Variants in VIL1 observed in about 807,000 individuals in gnomAD.
The protein encoded by VIL1 is villin 1.
Under a neutral mutation model 104.0 loss-of-function variants are expected in VIL1, and 86 were observed. The ratio of observed to expected loss-of-function variants is 0.83; its 90% confidence interval spans 0.69 to 0.99. VIL1 has a LOEUF of 0.99. VIL1 is among the 50% of genes least tolerant of loss of function. The pLI is 0.00. For missense variants in VIL1, 944 were observed against 1,054.1 expected (o/e 0.90, Z 1.45); for synonymous variants, 394 against 412.6 (o/e 0.95, Z 0.55).
rs1362025042 is a variant in VIL1, at chr2:218,452,708, G to A, written c.*3372G>A. 1 of 152,214 alleles carries A rather than the reference G, an allele frequency of 6.6e-6. No individual in the cohort carries two copies. Among genetic ancestry groups the A allele is most frequent in the African/African-American group, 2.4e-5 (1 of 41,458 alleles). The allele number at this position is 152,214 out of a possible 1,614,324, so 9.4% of individuals were successfully genotyped here. A position where few individuals can be genotyped will look rare whatever the true frequency, so the allele number is the denominator to read the frequency against. On this transcript the variant is annotated 3_prime_UTR_variant, in exon 20 of 20. Coordinates refer to ENST00000248444, the MANE Select transcript of VIL1 (RefSeq NM_007127.3). ...TGAAAGCTATGAAAGCAATTCAAAT[G>A]AGGCTGCTTCATGAGGCAATCTAGA...
Position 218,451,282 on chromosome 2 carries a change from T to A in VIL1, c.*1946T>A, listed in dbSNP as rs1689470441. 1 of 152,186 alleles carries A rather than the reference T, an allele frequency of 6.6e-6. No homozygotes were observed. Among genetic ancestry groups the A allele is most frequent in the Admixed American group, 6.5e-5 (1 of 15,276 alleles). The allele number at this position is 152,186 out of a possible 1,614,324, so 9.4% of individuals were successfully genotyped here. A position where few individuals can be genotyped will look rare whatever the true frequency, so the allele number is the denominator to read the frequency against. ...ATGTGACTTGAATCTGGTGTTAGGTTGTTGATTTTTCTAAAAATCTCCTAT... is the reference window on the plus strand; with the variant it reads ...ATGTGACTTGAATCTGGTGTTAGGTAGTTGATTTTTCTAAAAATCTCCTAT... On this transcript the variant is annotated 3_prime_UTR_variant, in exon 20 of 20. Transcript: ENST00000248444.
At chr2:218,430,146 C>T (rs1689071094) in intron 9 of VIL1, among the ~76,000 whole-genome samples, 199 bp downstream of exon 9, 2 of 152,108 alleles carry the variant, frequency 1.3e-5, no homozygotes, top group African/African-American at 4.8e-5. Flanking sequence ...TGGTCATCTT[C>T]GGGGTTCTCT....
At chr2:218,422,968 A>T (rs1487467627) in intron 1 of VIL1, among the ~76,000 whole-genome samples, 1 of 152,160 alleles carries the variant, frequency 6.6e-6, no homozygotes, top group Non-Finnish European at 1.5e-5. Flanking sequence ...AAAGGCAGAA[A>T]ATAAAGCACC....
Position 218,449,384 on chromosome 2 carries a change from T to TA in VIL1, c.*48_*49insA. The TA allele has an allele frequency of 6.2e-6, 9 of 1,450,956 alleles. No homozygotes were observed. The highest frequency in any genetic ancestry group is 8.7e-6 in the Non-Finnish European group (9 of 1,033,354). The allele number at this position is 1,450,956 out of a possible 1,614,324, so 89.9% of individuals were successfully genotyped here. A position where few individuals can be genotyped will look rare whatever the true frequency, so the allele number is the denominator to read the frequency against. On this transcript the variant is annotated 3_prime_UTR_variant, in exon 20 of 20. Transcript: ENST00000248444. ...GCAGTACCCTACCCTGATTGTAGGG[T>TA]CTCATTTTCTCACCGATATTAGTCC...
At chr2:218,432,242 C>T (rs1158562376) in intron 12 of VIL1, 59 bp downstream of exon 12, 13 of 1,577,742 alleles carry the variant, frequency 8.2e-6, no homozygotes, top group African/African-American at 1.3e-5. Context: ...CTTGTACATA[C>T]TCCTGCTAAG....
Position 218,420,593 on chromosome 2 carries a change from GT to G in VIL1, c.-12+1435del, listed in dbSNP as rs1269880736. ...ATGAGTATTTGTTTTTTTTTTTTTT[GT>G]TTTTTTTTTGAGAAGGAGTCTCACT... On this transcript the variant is annotated intron_variant, in intron 1 of 19. Coordinates refer to ENST00000248444, the MANE Select transcript of VIL1 (RefSeq NM_007127.3). Among the ~76,000 whole-genome samples, 199 of 108,890 alleles carry G rather than the reference GT, an allele frequency of 1.8e-3. 1 individual carries two copies. Among genetic ancestry groups the G allele is most frequent in the African/African-American group, 6.2e-3 (184 of 29,828 alleles). 71.4% of individuals were successfully genotyped at this position (108,890 alleles called of 152,430 possible). A position where few individuals can be genotyped will look rare whatever the true frequency, so the allele number is the denominator to read the frequency against.
At chr2:218,430,106 C>A (rs1689070643) in intron 9 of VIL1, among the ~76,000 whole-genome samples, 159 bp downstream of exon 9, 1 of 152,092 alleles carries the variant, frequency 6.6e-6, no homozygotes, top group African/African-American at 2.4e-5. Flanking sequence ...TGGGCCCGGC[C>A]CAATGGGAGG....
intron 18 of VIL1, among the ~76,000 whole-genome samples, chr2:218,439,913 C>T (rs1240464502): frequency 1.3e-5 from 2 of 151,408 alleles, no homozygotes; most frequent in Non-Finnish European, 2.9e-5. Context: ...AAAACCTTTG[C>T]TTTGAGAAGT....
At position 218,452,226 on chromosome 2, in the gene VIL1, T is replaced by C. The variant is rs1689504607; in HGVS notation, c.*2890T>C. 6.6e-6 allele frequency: 1 copy of C among 152,178 alleles called. No homozygotes were observed. The highest frequency in any genetic ancestry group is 2.4e-5 in the African/African-American group (1 of 41,438). The allele number at this position is 152,178 out of a possible 1,614,324, so 9.4% of individuals were successfully genotyped here. A position where few individuals can be genotyped will look rare whatever the true frequency, so the allele number is the denominator to read the frequency against. ...AAGTAATGTAACCACACATTTGGTA[T>C]TTTCAATAGGAAGGTTAATTAGGTA... On this transcript the variant is annotated 3_prime_UTR_variant, in exon 20 of 20. Coordinates refer to ENST00000248444, the MANE Select transcript of VIL1 (RefSeq NM_007127.3).
Position 218,432,039 on chromosome 2 carries a change from G to A in VIL1, c.1204-7G>A. The A allele has an allele frequency of 6.2e-7, 1 of 1,614,054 alleles. No homozygotes were observed. Among genetic ancestry groups the A allele is most frequent in the Non-Finnish European group, 8.5e-7 (1 of 1,180,004 alleles). On this transcript the variant is annotated splice_polypyrimidine_tract_variant and splice_region_variant and intron_variant, in intron 11 of 19. Transcript: ENST00000248444. ...TGGACCTCACCCTGGCCTGATACTGGCCCTAGGTGTGGCGCATTGAGAACC... is the reference window on the plus strand; with the variant it reads ...TGGACCTCACCCTGGCCTGATACTGACCCTAGGTGTGGCGCATTGAGAACC...
intron 10 of VIL1, 73 bp downstream of exon 10, chr2:218,430,951 C>T (rs1689085831): frequency 6.5e-7 from 1 of 1,546,140 alleles, no homozygotes; most frequent in Non-Finnish European, 8.8e-7. Flanking sequence ...TGGTCCACCA[C>T]CCACCCTCCT....
chr2:218,425,591 G>A (rs773859827), intron 3 of VIL1, 24 bp from the exon 4 acceptor site: 2 of 1,612,342 alleles, frequency 1.2e-6, no homozygotes, highest in Admixed American at 3.3e-5. Flanking sequence ...AGGGTCTCGG[G>A]TACACTGGAC....
intron 1 of VIL1, among the ~76,000 whole-genome samples, chr2:218,420,483 T>C (rs1471441336): frequency 4.1e-5 from 6 of 146,954 alleles, no homozygotes; most frequent in Non-Finnish European, 6.0e-5. Flanking sequence ...AAAGGCAAGA[T>C]GGACCTGCAG....
At chr2:218,438,519 G>C (rs1196388862) in intron 17 of VIL1, 139 bp from the exon 18 acceptor site, 2 of 747,624 alleles carry the variant, frequency 2.7e-6, no homozygotes, top group Admixed American at 2.5e-5. Context: ...CCCTCCTCCA[G>C]CCTCAGCCTT....
chr2:218,447,658 C>G (rs1032537975), intron 19 of VIL1, among the ~76,000 whole-genome samples: 2 of 152,128 alleles, frequency 1.3e-5, no homozygotes, highest in African/African-American at 4.8e-5. Context: ...AGCAGATACC[C>G]TTATAGGGCT....
In VIL1 at chr2:218,428,316, C is replaced by A. The variant is rs1689038616; in HGVS notation, c.546C>A (p.Ser182Arg). ...KLIIQWNGPE[S>R]TRMERLRGMT... ...TCATCCAGTGGAATGGACCGGAAAG[C>A]ACCCGTATGGAGAGACTCAGGGTAA... is the stretch of plus-strand genomic sequence containing the variant. The change falls in exon 6 of 20, where the codon AGC (serine) becomes AGA (arginine). Residue 182 changes from serine (S) to arginine (R), a missense_variant. Physicochemically the swap from Ser to Arg is moderately radical, Grantham distance 110. Coordinates refer to ENST00000248444, the MANE Select transcript of VIL1 (RefSeq NM_007127.3). The A allele has an allele frequency of 6.2e-7, 1 of 1,614,064 alleles. No homozygotes were observed. The highest frequency in any genetic ancestry group is 8.5e-7 in the Non-Finnish European group (1 of 1,180,030).
chr2:218,425,475 C>T (rs965627121), intron 3 of VIL1, 140 bp from the exon 4 acceptor site: 2 of 735,188 alleles, frequency 2.7e-6, no homozygotes, highest in African/African-American at 3.5e-5. Flanking sequence ...TGACTCAGGG[C>T]TCCTAACCGC....
intron 19 of VIL1, among the ~76,000 whole-genome samples, chr2:218,448,690 C>T (rs1466888074): frequency 6.6e-6 from 1 of 151,986 alleles, no homozygotes; most frequent in Non-Finnish European, 1.5e-5. Context: ...TACCACACTA[C>T]TATCTTTTTC....
In VIL1 at chr2:218,432,776, C is replaced by A. The variant is rs376253878; in HGVS notation, c.1342-17C>A. 7.3e-5 allele frequency: 118 copies of A among 1,613,756 alleles called. 1 individual carries two copies. The African/African-American group carries it at 1.4e-3, about 19-fold the overall frequency. On this transcript the variant is annotated splice_polypyrimidine_tract_variant and intron_variant, in intron 12 of 19. Coordinates refer to ENST00000248444, the MANE Select transcript of VIL1 (RefSeq NM_007127.3). The stretch of plus-strand genomic sequence containing the variant: ...GGGCTGACCCAATCCCACTCACTCC[C>A]TCCTGCTCATCCCCAGGGCAGCCAG...
Sources: gnomAD v4.1 joint callset for allele counts (sites outside exome capture counted in the v4.1 genomes callset) on GRCh38, gnomAD v4.1.1 for gene constraint, MANE v1.5 for transcripts, NCBI Gene and HGNC (gene_info 2026-07-23, HGNC 2026-07-21) for gene names.